Variants in DIAPH3 observed in about 807,000 individuals in gnomAD.
DIAPH3 encodes diaphanous related formin 3.
In DIAPH3, 117 loss-of-function variants were observed where a neutral mutation model predicts 144.3. The observed-to-expected ratio is 0.81, with a 90% CI of 0.70 to 0.95. The LOEUF (loss-of-function observed/expected upper bound fraction) is 0.95, where lower values mean the gene tolerates loss of function less well. Ranked by LOEUF, DIAPH3 falls within the 40% of genes least tolerant of loss-of-function variation. DIAPH3 has a pLI of 0.00. For synonymous variants in DIAPH3, 519 were observed against 488.9 expected (o/e 1.06, Z -0.81); for missense variants, 1,421 against 1,412.7 (o/e 1.01, Z -0.09).
chr13:59,840,893 C>T (rs1226119091), intron 22 of DIAPH3, among the ~76,000 whole-genome samples: 1 of 151,924 alleles, frequency 6.6e-6, no homozygotes, highest in Non-Finnish European at 1.5e-5. Context: ...ATAATACACA[C>T]TATTATCTGA....
intron 9 of DIAPH3, among the ~76,000 whole-genome samples, chr13:59,998,543 G>T (rs1035831229): frequency 6.6e-6 from 1 of 152,076 alleles, no homozygotes; most frequent in Non-Finnish European, 1.5e-5. Context: ...GTTGTCCACT[G>T]TAGAATAAAT....
At chr13:60,060,432 C>A (rs1034858003) in intron 4 of DIAPH3, among the ~76,000 whole-genome samples, 1 of 151,980 alleles carries the variant, frequency 6.6e-6, no homozygotes, top group African/African-American at 2.4e-5. Flanking sequence ...TCACAATAAG[C>A]AAATATTCTC....
intron 27 of DIAPH3, among the ~76,000 whole-genome samples, chr13:59,683,311 T>C (rs9563755): frequency 0.58 from 87,420 of 152,008 alleles, 25,998 homozygotes; most frequent in East Asian, 0.68. Flanking sequence ...TGGAATCTTT[T>C]ATGACTTTTA....
chr13:60,146,813 A>T (rs1951545900), intron 1 of DIAPH3, among the ~76,000 whole-genome samples: 1 of 152,230 alleles, frequency 6.6e-6, no homozygotes, highest in Admixed American at 6.5e-5. Context: ...AAAAAAGGCA[A>T]CAAGGTTTGC....
intron 27 of DIAPH3, among the ~76,000 whole-genome samples, chr13:59,714,408 A>G (rs972642526): frequency 6.7e-6 from 1 of 150,172 alleles, no homozygotes; most frequent in African/African-American, 2.4e-5. Flanking sequence ...GGTGGTACAC[A>G]CCTGTAGTCC....
chr13:60,087,693 A>C, intron 4 of DIAPH3, among the ~76,000 whole-genome samples: 1 of 152,108 alleles, frequency 6.6e-6, no homozygotes, highest in East Asian at 1.9e-4. Context: ...CCTTACATTC[A>C]GTTGGAAACC....
chr13:59,951,458 C>T (rs1306704360), intron 17 of DIAPH3, among the ~76,000 whole-genome samples: 1 of 152,054 alleles, frequency 6.6e-6, no homozygotes. Context: ...TGAGAATGAA[C>T]TAATACAGAC....
chr13:60,096,106 CATT>C (rs1245118306), intron 3 of DIAPH3, among the ~76,000 whole-genome samples: 1 of 152,128 alleles, frequency 6.6e-6, no homozygotes, highest in Non-Finnish European at 1.5e-5. Context: ...ACATAGGTAA[CATT>C]ATCCACAAAG....
intron 7 of DIAPH3, among the ~76,000 whole-genome samples, 164 bp downstream of exon 7, chr13:60,015,749 T>A (rs1256284411): frequency 6.6e-6 from 1 of 152,156 alleles, no homozygotes; most frequent in African/African-American, 2.4e-5. Flanking sequence ...ATTATCAAGT[T>A]TCTCCTATTG....
chr13:60,066,379 T>C (rs577932218), intron 4 of DIAPH3, among the ~76,000 whole-genome samples: 53 of 152,290 alleles, frequency 3.5e-4, no homozygotes, highest in African/African-American at 1.3e-3. Context: ...ATAGTCACCA[T>C]ATCACAGGTC....
chr13:59,983,678 T>A, intron 13 of DIAPH3, 91 bp downstream of exon 13: 1 of 838,916 alleles, frequency 1.2e-6, no homozygotes, highest in South Asian at 1.5e-5. Context: ...CCCTCAGGAG[T>A]CCAGAGACAC....
chr13:60,136,907 T>C (rs1430238622), intron 1 of DIAPH3, among the ~76,000 whole-genome samples: 2 of 151,456 alleles, frequency 1.3e-5, no homozygotes, highest in Non-Finnish European at 2.9e-5. Context: ...GCCACTGCAC[T>C]CCAGCCTGGG....
At chr13:59,931,300 C>A (rs7320644) in intron 17 of DIAPH3, among the ~76,000 whole-genome samples, 36,395 of 152,008 alleles carry the variant, frequency 0.24, 5,386 homozygotes, top group Admixed American at 0.37. Flanking sequence ...TCACCTGGAC[C>A]ACAGCCGGTT....
chr13:59,811,495 T>C (rs566439873), intron 24 of DIAPH3, among the ~76,000 whole-genome samples: 1 of 152,020 alleles, frequency 6.6e-6, no homozygotes, highest in Non-Finnish European at 1.5e-5. Flanking sequence ...TCCCAGCACT[T>C]TGGGAGGCCG....
chr13:59,815,162 A>G (rs2040700534), intron 24 of DIAPH3, among the ~76,000 whole-genome samples: 1 of 152,320 alleles, frequency 6.6e-6, no homozygotes, highest in East Asian at 1.9e-4. Flanking sequence ...TTCTCCAATA[A>G]TATGCAAAGT....
chr13:59,676,856 T>C (rs1286042639), intron 27 of DIAPH3, among the ~76,000 whole-genome samples: 1 of 152,192 alleles, frequency 6.6e-6, no homozygotes, highest in Admixed American at 6.5e-5. Context: ...GGGATACATT[T>C]GTGTTTATAA....
chr13:59,717,405 C>A (rs1436744701), intron 27 of DIAPH3, among the ~76,000 whole-genome samples: 1 of 152,112 alleles, frequency 6.6e-6, no homozygotes, highest in Non-Finnish European at 1.5e-5. Context: ...ATCCAGTGAT[C>A]CATGGTGGCA....
At position 59,879,196 on chromosome 13, in the gene DIAPH3, G is replaced by A. The variant is rs767780840; in HGVS notation, c.2607+33C>T. 20 of 1,612,966 alleles carry A rather than the reference G, an allele frequency of 1.2e-5. No individual in the cohort carries two copies. In the Admixed American group the frequency reaches 1.5e-4, roughly 12 times the overall value. ...GCTGACATTTAAGAGCAAGTGTTCA[G>A]GCAAATATGTGTTTTTAAAAAAACA... is the stretch of plus-strand genomic sequence containing the variant. On this transcript the variant is annotated intron_variant, in intron 21 of 27. Coordinates refer to ENST00000400324, the MANE Select transcript of DIAPH3 (RefSeq NM_001042517.2).
rs2054358322 is a variant in DIAPH3, at chr13:60,026,170, TC to T, written c.627-10026del. Reference sequence around the variant, plus strand: ...TCTCTTATACATCCCCACACACTGCTCCCACCAGAACCAGTTGGGTTTCTTT... The same window carrying T: ...TCTCTTATACATCCCCACACACTGCTCCACCAGAACCAGTTGGGTTTCTTT... On this transcript the variant is annotated intron_variant, in intron 5 of 27. Transcript: ENST00000400324. Among the ~76,000 whole-genome samples the T allele has an allele frequency of 2.0e-5, 3 of 152,076 alleles. No homozygotes were observed. The South Asian group carries it at 6.2e-4, about 31-fold the overall frequency.
Sources: gnomAD v4.1 joint callset for allele counts (sites outside exome capture counted in the v4.1 genomes callset) on GRCh38, gnomAD v4.1.1 for gene constraint, MANE v1.5 for transcripts, NCBI Gene and HGNC (gene_info 2026-07-23, HGNC 2026-07-21) for gene names.